CDCA7: variants seen among roughly 807,000 people sequenced by gnomAD.
CDCA7 encodes cell division cycle-associated protein 7.
In CDCA7, 28 loss-of-function variants were observed where a neutral mutation model predicts 54.0. The ratio of observed to expected loss-of-function variants is 0.52; its 90% CI spans 0.38 to 0.71. CDCA7 has a LOEUF of 0.71. Ranked by LOEUF, CDCA7 falls within the 30% of genes least tolerant of loss-of-function variation. CDCA7 has a pLI of 0.00. For synonymous variants in CDCA7, 180 were observed against 208.2 expected, an observed-to-expected ratio of 0.86 and a Z score of 1.16; for missense variants, 484 against 586.0, an observed-to-expected ratio of 0.83 and a Z score of 1.80.
At chr2:173,357,286 T>C (rs1686525303) in intron 1 of CDCA7, among the ~76,000 whole-genome samples, 1 of 152,160 alleles carries the variant, frequency 6.6e-6, no homozygotes, top group South Asian at 2.1e-4. Context: ...AGCATTTCTA[T>C]GTAAGTAATT....
At chr2:173,356,368 T>C (rs1360067913) in intron 1 of CDCA7, among the ~76,000 whole-genome samples, 2 of 139,970 alleles carry the variant, frequency 1.4e-5, no homozygotes. Context: ...GGTAGATTGA[T>C]GAGTAAAGGG....
chr2:173,355,122 A>G (rs1686470359), intron 1 of CDCA7, 138 bp downstream of exon 1: 1 of 1,040,210 alleles, frequency 9.6e-7, no homozygotes, highest in Non-Finnish European at 1.2e-6. Context: ...CGCTTGGGCA[A>G]GCCCCTGATT....
intron 3 of CDCA7, among the ~76,000 whole-genome samples, chr2:173,362,635 G>C (rs1686643394): frequency 6.6e-6 from 1 of 150,776 alleles, no homozygotes; most frequent in South Asian, 2.1e-4. Flanking sequence ...GCATACAGTG[G>C]CACGAACACG....
intron 3 of CDCA7, among the ~76,000 whole-genome samples, chr2:173,359,995 A>G (rs1228571767): frequency 6.6e-6 from 1 of 152,088 alleles, no homozygotes; most frequent in East Asian, 1.9e-4. Flanking sequence ...GGCTTTTCCT[A>G]TGCACGCTAC....
intron 3 of CDCA7, among the ~76,000 whole-genome samples, chr2:173,359,871 C>G (rs1372399498): frequency 6.6e-6 from 1 of 152,194 alleles, no homozygotes; most frequent in Non-Finnish European, 1.5e-5. Flanking sequence ...AAATGTTGGT[C>G]TCATAGTAGA....
intron 6 of CDCA7, 52 bp from the exon 7 acceptor site, chr2:173,365,383 TTTTCAGTTTTGAATCTC>T (rs1686701102): frequency 2.1e-5 from 32 of 1,516,688 alleles, no homozygotes; most frequent in Middle Eastern, 1.8e-4. Flanking sequence ...TGAATCTGTT[TTTTCAGTTTTGAATCTC>T]TTTCAGTTTT....
chr2:173,354,992 C>T lies in CDCA7; in HGVS notation c.21+8C>T. ...GACGCTCGCCGCGTGCCGGTGAGGG[C>T]TGGGCGGGCGAACCCGAGGGGCGGG... is the stretch of plus-strand genomic sequence containing the variant. On this transcript the variant is annotated splice_region_variant and intron_variant, in intron 1 of 9. Transcript: ENST00000306721. The T allele has an allele frequency of 7.2e-7, 1 of 1,397,564 alleles. No homozygotes were observed. Among genetic ancestry groups the T allele is most frequent in the Non-Finnish European group, 9.2e-7 (1 of 1,085,454 alleles). 86.6% of individuals were successfully genotyped at this position (1,397,564 alleles called of 1,614,324 possible). A position where few individuals can be genotyped will look rare whatever the true frequency, so the allele number is the denominator to read the frequency against.
rs113853825 is a variant in CDCA7 at position 173,366,578 on chromosome 2, C to A, written c.1185+146C>A. ...TTTTTAAGATGGAGTCTCATTCTGTCGCCAGGCTGCAGTGCAGTGGCGCGA... is the reference window on the plus strand; with the variant it reads ...TTTTTAAGATGGAGTCTCATTCTGTAGCCAGGCTGCAGTGCAGTGGCGCGA... On this transcript the variant is annotated intron_variant, in intron 8 of 9. Transcript: ENST00000306721. The surrounding 1 kb of genome is among the most constrained non-coding windows in gnomAD (Gnocchi z 4.5). The A allele has an allele frequency of 5.6e-3, 6,292 of 1,123,620 alleles. 50 individuals are homozygous for A. The highest frequency in any genetic ancestry group is 0.025 in the South Asian group (1,433 of 56,690). 69.6% of individuals were successfully genotyped at this position (1,123,620 alleles called of 1,614,324 possible). A position where few individuals can be genotyped will look rare whatever the true frequency, so the allele number is the denominator to read the frequency against.
At chr2:173,360,306 A>T (rs1465315289) in intron 3 of CDCA7, among the ~76,000 whole-genome samples, 3 of 152,190 alleles carry the variant, frequency 2.0e-5, no homozygotes, top group African/African-American at 7.2e-5. Flanking sequence ...TCTGGATGCG[A>T]CACAAACATT....
At chr2:173,355,075 A>G (rs970141426) in intron 1 of CDCA7, 91 bp downstream of exon 1, 182 of 1,235,848 alleles carry the variant, frequency 1.5e-4, no homozygotes, top group Non-Finnish European at 1.8e-4. Context: ...TCCGCAGCCT[A>G]GCGCTGCCTT....
chr2:173,362,751 T>TA (rs1278547669), intron 3 of CDCA7, among the ~76,000 whole-genome samples: 1 of 150,644 alleles, frequency 6.6e-6, no homozygotes, highest in Non-Finnish European at 1.5e-5. Context: ...ATTTTTGTAT[T>TA]TTTTTTTGCA....
intron 1 of CDCA7, among the ~76,000 whole-genome samples, chr2:173,358,056 C>A (rs544860847): frequency 1.3e-5 from 2 of 152,152 alleles, no homozygotes; most frequent in Admixed American, 1.3e-4. Flanking sequence ...AAAAATTAAC[C>A]GGGCGTGGTG....
rs1686724299 is a variant in CDCA7 at position 173,366,563 on chromosome 2, G to A, written c.1185+131G>A. 7 of 1,236,710 alleles carry A rather than the reference G, an allele frequency of 5.7e-6. No individual in the cohort carries two copies. In the South Asian group the frequency reaches 1.1e-4, roughly 20 times the overall value. The allele number at this position is 1,236,710 out of a possible 1,614,324, so 76.6% of individuals were successfully genotyped here. On this transcript the variant is annotated intron_variant, in intron 8 of 9. Coordinates refer to ENST00000306721, the MANE Select transcript of CDCA7 (RefSeq NM_031942.5). The surrounding 1 kb of genome is among the most constrained non-coding windows in gnomAD (Gnocchi z 4.5). ...GGGTGCTCTTCTTTTTTTTTAAGAT[G>A]GAGTCTCATTCTGTCGCCAGGCTGC...
At chr2:173,357,236 G>A (rs1353906597) in intron 1 of CDCA7, among the ~76,000 whole-genome samples, 3 of 152,198 alleles carry the variant, frequency 2.0e-5, no homozygotes, top group African/African-American at 7.2e-5. Flanking sequence ...TACATTTTCT[G>A]AGAGCAGTGC....
intron 1 of CDCA7, among the ~76,000 whole-genome samples, chr2:173,355,276 C>T (rs1461471897): frequency 6.6e-6 from 1 of 152,230 alleles, no homozygotes; most frequent in African/African-American, 2.4e-5. Flanking sequence ...CGCCAAAGGC[C>T]GGACAGCGGC....
At chr2:173,355,476 C>T (rs1001603117) in intron 1 of CDCA7, among the ~76,000 whole-genome samples, 4 of 152,224 alleles carry the variant, frequency 2.6e-5, no homozygotes, top group African/African-American at 4.8e-5. Flanking sequence ...GAGACGCGTC[C>T]GCTTCTAACC....
Position 173,358,715 on chromosome 2 carries a change from A to C in CDCA7, c.25A>C (p.Lys9Gln), listed in dbSNP as rs779015155. MDARRVPQ[K>Q]DLRVKKNLKK... ...GGATTGCTATTTCCATTTGCAGCAG[A>C]AAGATCTCAGAGTAAAGAAGAACTT... Residue 9 changes from lysine to glutamine, a missense_variant, in exon 2 of 10, where the codon AAA becomes CAA. Lys to Gln is a moderately conservative substitution (Grantham distance 53). This residue lies in a region of CDCA7 where 398 missense variants were observed against 447.4 expected (regional missense o/e 0.89). Coordinates refer to ENST00000306721, the MANE Select transcript of CDCA7 (RefSeq NM_031942.5). 1 of 1,612,506 alleles carries C rather than the reference A, an allele frequency of 6.2e-7. No homozygotes were observed. The highest frequency in any genetic ancestry group is 8.5e-7 in the Non-Finnish European group (1 of 1,179,342).
intron 1 of CDCA7, 117 bp from the exon 2 acceptor site, chr2:173,358,595 T>C: frequency 1.8e-6 from 2 of 1,124,892 alleles, no homozygotes; most frequent in East Asian, 2.6e-5. Context: ...ATGTAGGGTA[T>C]GATAAATGGA....
rs1045126651 is a variant in CDCA7, at chr2:173,366,028, T to G, written c.1036-255T>G. Among the ~76,000 whole-genome samples, 1 of 152,160 alleles carries G rather than the reference T, an allele frequency of 6.6e-6. No homozygotes were observed. The highest frequency in any genetic ancestry group is 1.5e-5 in the Non-Finnish European group (1 of 68,024). On this transcript the variant is annotated intron_variant, in intron 7 of 9. Coordinates refer to ENST00000306721, the MANE Select transcript of CDCA7 (RefSeq NM_031942.5). The surrounding 1 kb of genome is among the most constrained non-coding windows in gnomAD (Gnocchi z 4.5). ...TTAGTGGAGATGGGGTTTTGCCATA[T>G]TGCCCAGGCTGGTCTTGAACTCCTT... is the stretch of plus-strand genomic sequence containing the variant.
Sources: gnomAD v4.1 joint callset for allele counts (sites outside exome capture counted in the v4.1 genomes callset) on GRCh38, gnomAD v4.1.1 for gene constraint, gnomAD v4.1.1 regional missense constraint, Gnocchi (gnomAD v3.1) non-coding constraint, MANE v1.5 for transcripts, NCBI Gene and HGNC (gene_info 2026-07-23, HGNC 2026-07-21) for gene names.